Variants in NTRK2 observed in about 807,000 individuals in gnomAD.
NTRK2 encodes neurotrophic receptor tyrosine kinase 2, also known as BDNF/NT-3 growth factors receptor.
NTRK2 carries 13 observed loss-of-function variants against 94.5 expected under a neutral mutation model. The observed-to-expected ratio is 0.14, with a 90% CI of 0.09 to 0.22. The LOEUF is 0.22. Among genes scored for constraint, NTRK2 ranks in the 10% least tolerant of loss-of-function variants. The probability of loss-of-function intolerance (pLI) is 1.00; values close to 1 mark genes in which losing one functional copy is unlikely to be tolerated. For missense variants in NTRK2, 639 were observed against 1,071.2 expected (o/e 0.60, Z 5.63); for synonymous variants, 372 against 407.4 (o/e 0.91, Z 1.05).
At chr9:84,721,180 T>C (rs2062037172) in intron 6 of NTRK2, among the ~76,000 whole-genome samples, 1 of 39,138 alleles carries the variant, frequency 2.6e-5, no homozygotes, top group Non-Finnish European at 6.5e-5. Context: ...CATAATAATC[T>C]TTTTTTTTTT....
At chr9:84,907,746 A>G (rs1227055269) in intron 14 of NTRK2, among the ~76,000 whole-genome samples, 1 of 145,174 alleles carries the variant, frequency 6.9e-6, no homozygotes, top group Admixed American at 7.0e-5. Flanking sequence ...CAGATCTGAT[A>G]TAAATAAAGG....
chr9:84,869,743 A>C (rs746230287), intron 14 of NTRK2, among the ~76,000 whole-genome samples: 2 of 152,132 alleles, frequency 1.3e-5, no homozygotes, highest in Non-Finnish European at 2.9e-5. Context: ...TGTCGGCCAC[A>C]TGTTGACCAG....
intron 17 of NTRK2, among the ~76,000 whole-genome samples, chr9:85,015,515 C>T (rs1418975604): frequency 2.6e-5 from 4 of 152,120 alleles, no homozygotes; most frequent in African/African-American, 9.7e-5. Flanking sequence ...GAATTCCTCC[C>T]CCAAAGAGCA....
chr9:84,842,513 T>A (rs759792811), intron 12 of NTRK2, among the ~76,000 whole-genome samples: 1 of 152,140 alleles, frequency 6.6e-6, no homozygotes, highest in Non-Finnish European at 1.5e-5. Context: ...ATCTGACTGC[T>A]CCAGGGTTGG....
intron 14 of NTRK2, among the ~76,000 whole-genome samples, chr9:84,890,924 A>G (rs1343914276): frequency 6.6e-6 from 1 of 152,222 alleles, no homozygotes; most frequent in Non-Finnish European, 1.5e-5. Flanking sequence ...TTCAATTGTA[A>G]TATATCTTTG....
Position 84,723,570 on chromosome 9 carries a change from T to C in NTRK2, c.584-3T>C. On this transcript the variant is annotated splice_polypyrimidine_tract_variant and splice_region_variant and intron_variant, in intron 6 of 18. Transcript: ENST00000277120. ...GCCTCTGTTTACTTTTCTTGTTCCATAGGTTTGCCATCTGCAAATCTGGCC... is the reference window on the plus strand; with the variant it reads ...GCCTCTGTTTACTTTTCTTGTTCCACAGGTTTGCCATCTGCAAATCTGGCC... 1 of 1,614,092 alleles carries C rather than the reference T, an allele frequency of 6.2e-7. No individual in the cohort carries two copies. The highest frequency in any genetic ancestry group is 8.5e-7 in the Non-Finnish European group (1 of 1,179,926).
intron 14 of NTRK2, among the ~76,000 whole-genome samples, chr9:84,930,918 T>G (rs549040035): frequency 1.3e-5 from 2 of 152,326 alleles, no homozygotes; most frequent in South Asian, 4.1e-4. Context: ...AGCTATTTTA[T>G]CACCTACAGG....
chr9:85,011,410 CTAGCCCTTAGTAT>C lies in NTRK2; in HGVS notation c.2173-8795_2173-8783del, dbSNP rs566858765. ...CCCTCAAAATATATACATCAAAGCC[CTAGCCCTTAGTAT>C]GACTCTATTTGGAGATGGAGACTCT... On this transcript the variant is annotated intron_variant, in intron 17 of 18. Coordinates refer to ENST00000277120, the MANE Select transcript of NTRK2 (RefSeq NM_006180.6). Among the ~76,000 whole-genome samples the C allele has an allele frequency of 1.4e-3, 215 of 152,252 alleles. 1 individual carries two copies. Among genetic ancestry groups the C allele is most frequent in the African/African-American group, 5.0e-3 (206 of 41,536 alleles).
At chr9:84,891,172 G>A (rs533386495) in intron 14 of NTRK2, among the ~76,000 whole-genome samples, 1 of 152,100 alleles carries the variant, frequency 6.6e-6, no homozygotes, top group South Asian at 2.1e-4. Context: ...GTCAGCCAAG[G>A]GCCCCAGTTC....
chr9:84,862,439 C>G (rs2075381116), intron 13 of NTRK2, among the ~76,000 whole-genome samples: 1 of 152,146 alleles, frequency 6.6e-6, no homozygotes, highest in African/African-American at 2.4e-5. Context: ...GTCATTGCAA[C>G]CACTTAAATA....
At chr9:84,784,806 T>G (rs2067963894) in intron 12 of NTRK2, among the ~76,000 whole-genome samples, 1 of 152,178 alleles carries the variant, frequency 6.6e-6, no homozygotes, top group Non-Finnish European at 1.5e-5. Context: ...GACAAAAGTG[T>G]CTAATAGCCA....
chr9:85,010,251 T>C (rs1831412245), intron 17 of NTRK2, among the ~76,000 whole-genome samples: 1 of 152,186 alleles, frequency 6.6e-6, no homozygotes, highest in African/African-American at 2.4e-5. Flanking sequence ...ACATTGGAGT[T>C]TTGGTCCTAA....
intron 6 of NTRK2, among the ~76,000 whole-genome samples, chr9:84,719,893 G>T (rs1399225790): frequency 6.6e-6 from 1 of 151,718 alleles, no homozygotes; most frequent in Non-Finnish European, 1.5e-5. Flanking sequence ...GGTGGTGTGT[G>T]CCCATTATCC....
chr9:84,989,354 T>C (rs888447545), intron 17 of NTRK2, among the ~76,000 whole-genome samples: 5 of 152,244 alleles, frequency 3.3e-5, no homozygotes, highest in African/African-American at 1.2e-4. Flanking sequence ...TATATTTATA[T>C]ATTTATTAAC....
rs553457846 is a variant in NTRK2 at position 84,981,227 on chromosome 9, C to G, written c.2172+25710C>G. Among the ~76,000 whole-genome samples the G allele has an allele frequency of 2.1e-4, 32 of 151,748 alleles. No individual in the cohort carries two copies. In the East Asian group the frequency reaches 4.5e-3, roughly 21 times the overall value. Reference sequence around the variant, plus strand: ...TCCCAAGTAGCTGGGATTACAGGCACACACCACCATGCCCAGCCGGTTTTG... The same window carrying G: ...TCCCAAGTAGCTGGGATTACAGGCAGACACCACCATGCCCAGCCGGTTTTG... On this transcript the variant is annotated intron_variant, in intron 17 of 18. Coordinates refer to ENST00000277120, the MANE Select transcript of NTRK2 (RefSeq NM_006180.6).
intron 2 of NTRK2, among the ~76,000 whole-genome samples, chr9:84,693,647 T>C (rs1005476846): frequency 1.3e-5 from 2 of 152,216 alleles, no homozygotes; most frequent in African/African-American, 4.8e-5. Context: ...TAAATAATAA[T>C]TAGCATTAAT....
intron 2 of NTRK2, among the ~76,000 whole-genome samples, chr9:84,678,668 C>G (rs1486315030): frequency 1.3e-5 from 2 of 152,036 alleles, no homozygotes; most frequent in African/African-American, 2.4e-5. Flanking sequence ...ATCATAGCCC[C>G]TAGATTCCCT....
intron 14 of NTRK2, among the ~76,000 whole-genome samples, chr9:84,916,509 T>C (rs2165893): frequency 0.062 from 9,388 of 152,106 alleles, 329 homozygotes; most frequent in Admixed American, 0.096. Flanking sequence ...TACCAATCAA[T>C]AGGTGGAGAC....
At chr9:84,786,116 G>A (rs2068088434) in intron 12 of NTRK2, among the ~76,000 whole-genome samples, 1 of 152,196 alleles carries the variant, frequency 6.6e-6, no homozygotes, top group African/African-American at 2.4e-5. Flanking sequence ...AGTCCCTTAT[G>A]CTGATCCCTG....
Sources: allele counts gnomAD v4.1 joint callset (sites outside exome capture counted in the v4.1 genomes callset), GRCh38; gene constraint gnomAD v4.1.1; transcripts MANE v1.5; gene names NCBI Gene and HGNC (gene_info 2026-07-23, HGNC 2026-07-21).